The following PLEKHG1 variants were observed in gnomAD, a reference collection of about 807,000 sequenced individuals.
PLEKHG1 encodes pleckstrin homology domain-containing family G member 1.
In PLEKHG1, 44 loss-of-function variants were observed where a neutral mutation model predicts 100.8. That is an observed-to-expected ratio of 0.44 (90% CI 0.34 to 0.56). The LOEUF is 0.56. Among genes scored for constraint, PLEKHG1 ranks in the 20% least tolerant of loss-of-function variants. The pLI is 0.01. For synonymous variants in PLEKHG1, 640 were observed against 662.5 expected, an observed-to-expected ratio of 0.97 and a Z score of 0.52; for missense variants, 1,545 against 1,720.9, an observed-to-expected ratio of 0.90 and a Z score of 1.81.
chr6:150,608,083 G>A (rs1384401733), intron 1 of PLEKHG1, among the ~76,000 whole-genome samples: 5 of 152,180 alleles, frequency 3.3e-5, no homozygotes, highest in Admixed American at 1.3e-4. Context: ...GGAAAGAAAT[G>A]TGAAGATAAT....
chr6:150,660,452 C>G lies in PLEKHG1; in HGVS notation c.-99+9666C>G, dbSNP rs184754984. Among the ~76,000 whole-genome samples, 23 of 152,262 alleles carry G rather than the reference C, an allele frequency of 1.5e-4. No homozygotes were observed. The East Asian group carries it at 4.4e-3, about 29-fold the overall frequency. On this transcript the variant is annotated intron_variant, in intron 3 of 3. Transcript: ENST00000367326. ...CTCAGGTGGATTTACATGTTTCTCT[C>G]CAGCCTCTCCAATCCAGATAAATAA... is the stretch of plus-strand genomic sequence containing the variant.
At chr6:150,792,393 G>T (rs1201860803) in intron 4 of PLEKHG1, among the ~76,000 whole-genome samples, 1 of 148,266 alleles carries the variant, frequency 6.7e-6, no homozygotes, top group Non-Finnish European at 1.5e-5. Flanking sequence ...CCACTTCCTG[G>T]CTGGGCGCGG....
intron 3 of PLEKHG1, among the ~76,000 whole-genome samples, chr6:150,682,734 AC>A (rs1246759065): frequency 1.3e-5 from 2 of 152,150 alleles, no homozygotes; most frequent in East Asian, 3.9e-4. Flanking sequence ...AGCAGGTGCT[AC>A]CAGTGGGCAG....
At position 150,831,289 on chromosome 6, in the gene PLEKHG1, A is replaced by C. The variant is rs745459879; in HGVS notation, c.2178A>C (p.Ala726=). The change falls in exon 15 of 16, where the codon GCA becomes GCC. Residue 726 remains alanine, a synonymous_variant. Coordinates refer to ENST00000358517, the Ensembl canonical transcript of PLEKHG1. This position sits in a 1 kb window ranked among gnomAD's most constrained non-coding sequence, Gnocchi z 4.1. Reference sequence around the variant, plus strand: ...ATGGCACCCTCTCAGGTGGAGAGGCATCCAGCCAAAGCACGCATGAACTCC... The same window carrying C: ...ATGGCACCCTCTCAGGTGGAGAGGCCTCCAGCCAAAGCACGCATGAACTCC... 1.1e-5 allele frequency: 17 copies of C among 1,614,032 alleles called. No homozygotes were observed. The Admixed American group carries it at 2.7e-4, about 25-fold the overall frequency.
chr6:150,754,692 G>A (rs1174444109), intron 2 of PLEKHG1, among the ~76,000 whole-genome samples: 3 of 145,518 alleles, frequency 2.1e-5, no homozygotes, highest in East Asian at 4.0e-4. Context: ...TTTTGAGATC[G>A]AGTTTCACTG....
chr6:150,828,962 T>G lies in PLEKHG1; in HGVS notation c.1471-1620T>G, dbSNP rs562640791. Among the ~76,000 whole-genome samples, 7 of 152,270 alleles carry G rather than the reference T, an allele frequency of 4.6e-5. No homozygotes were observed. The South Asian group carries it at 6.2e-4, about 14-fold the overall frequency. On this transcript the variant is annotated intron_variant, in intron 14 of 15. Transcript: ENST00000358517. ...GTGTGTATGTATGTGTGAAAAGAAA[T>G]AAATGGCTAATTGAATTGCTTAAGT... is the stretch of plus-strand genomic sequence containing the variant.
chr6:150,837,139 G>A (rs1029331285), intron 15 of PLEKHG1, among the ~76,000 whole-genome samples: 1 of 152,196 alleles, frequency 6.6e-6, no homozygotes, highest in Non-Finnish European at 1.5e-5. Context: ...TCCAGCCTGG[G>A]CAACAGAGTG....
At chr6:150,636,928 A>G (rs948918987) in intron 1 of PLEKHG1, among the ~76,000 whole-genome samples, 1 of 152,200 alleles carries the variant, frequency 6.6e-6, no homozygotes, top group Non-Finnish European at 1.5e-5. Context: ...AAATGACATT[A>G]GCATCCTTTA....
intron 2 of PLEKHG1, among the ~76,000 whole-genome samples, chr6:150,761,099 C>CTTTTTTTTTTTTT (rs35068801): frequency 1.2e-3 from 119 of 95,908 alleles, no homozygotes; most frequent in Non-Finnish European, 1.9e-3. Context: ...TTCTTTTTTT[C>CTTTTTTTTTTTTT]TTTTTTTTTT....
At chr6:150,692,905 A>G (rs1780397179) in intron 3 of PLEKHG1, among the ~76,000 whole-genome samples, 1 of 152,254 alleles carries the variant, frequency 6.6e-6, no homozygotes, top group Non-Finnish European at 1.5e-5. Context: ...AGGCGTTAGC[A>G]TAAGCAAAGG....
intron 3 of PLEKHG1, among the ~76,000 whole-genome samples, chr6:150,769,675 C>T (rs1275034705): frequency 6.6e-6 from 1 of 151,472 alleles, no homozygotes; most frequent in Non-Finnish European, 1.5e-5. Context: ...GTTCAACATA[C>T]ATGAGTTTGC....
intron 14 of PLEKHG1, among the ~76,000 whole-genome samples, chr6:150,824,069 G>A (rs1294660821): frequency 2.0e-5 from 3 of 152,164 alleles, no homozygotes; most frequent in Non-Finnish European, 2.9e-5. Flanking sequence ...TCCTCCAAGC[G>A]CGAGCCTTCA....
rs140144183 is a variant in PLEKHG1, at chr6:150,749,546, G to A, written c.411+15454G>A. Reference sequence around the variant, plus strand: ...TTCTGAGGGTGAGAAATTGGCACCCGCTATCCTGTAAGACCACAGAGACTT... The same window carrying A: ...TTCTGAGGGTGAGAAATTGGCACCCACTATCCTGTAAGACCACAGAGACTT... On this transcript the variant is annotated intron_variant, in intron 2 of 15. Transcript: ENST00000358517. Among the ~76,000 whole-genome samples the A allele has an allele frequency of 9.2e-5, 14 of 152,162 alleles. 1 individual carries two copies. In the East Asian group the frequency reaches 2.7e-3, roughly 29 times the overall value.
exon 8 of PLEKHG1, chr6:150,809,143 C>T (rs1471894157): frequency 6.2e-7 from 1 of 1,614,220 alleles, no homozygotes; most frequent in Non-Finnish European, 8.5e-7. Context: ...AGGGGCCAGA[C>T]CTGACCAGCT....
chr6:150,840,723 A>G (rs747770225), exon 16 of PLEKHG1: 13 of 1,613,990 alleles, frequency 8.1e-6, no homozygotes, highest in Middle Eastern at 1.6e-4. Flanking sequence ...TAGTCCGCGC[A>G]CTCCAAAAAA....
At chr6:150,660,042 G>A (rs1365650321) in intron 3 of PLEKHG1, among the ~76,000 whole-genome samples, 1 of 151,656 alleles carries the variant, frequency 6.6e-6, no homozygotes, top group Admixed American at 6.6e-5. Context: ...TGTGTACATT[G>A]GCAATTAGCC....
chr6:150,612,874 T>C (rs1470005219), intron 1 of PLEKHG1, among the ~76,000 whole-genome samples: 1 of 152,236 alleles, frequency 6.6e-6, no homozygotes, highest in African/African-American at 2.4e-5. Flanking sequence ...TTCCTGGTTA[T>C]TGCAGTAGGC....
rs538998944 is a variant in PLEKHG1 at position 150,703,995 on chromosome 6, C to T, written c.-98-29589C>T. On this transcript the variant is annotated intron_variant, in intron 3 of 3. Transcript: ENST00000367326. ...TTCAGTTTGACATAGTAGAGCCTTTCACTCTGGTGAAGATCAGGACTTACA... is the reference window on the plus strand; with the variant it reads ...TTCAGTTTGACATAGTAGAGCCTTTTACTCTGGTGAAGATCAGGACTTACA... Among the ~76,000 whole-genome samples, 27 of 152,322 alleles carry T rather than the reference C, an allele frequency of 1.8e-4. No homozygotes were observed. In the South Asian group the frequency reaches 5.6e-3, roughly 32 times the overall value.
At chr6:150,660,071 ATTTT>A (rs60016202) in intron 3 of PLEKHG1, among the ~76,000 whole-genome samples, 6 of 143,676 alleles carry the variant, frequency 4.2e-5, no homozygotes, top group African/African-American at 1.5e-4. Context: ...TTTGTTCATA[ATTTT>A]TTTTTTTTTT....
Sources: allele counts gnomAD v4.1 joint callset (sites outside exome capture counted in the v4.1 genomes callset), GRCh38; gene constraint gnomAD v4.1.1; non-coding constraint Gnocchi (gnomAD v3.1); transcripts MANE v1.5; gene names NCBI Gene and HGNC (gene_info 2026-07-23, HGNC 2026-07-21).